The following RCC1 variants were observed in gnomAD, a reference collection of about 807,000 sequenced individuals.
The protein encoded by RCC1 is regulator of chromosome condensation 1, also known as regulator of chromosome condensation.
In RCC1, 11 loss-of-function variants were observed where a neutral mutation model predicts 44.4. The ratio of observed to expected loss-of-function variants is 0.25; its 90% confidence interval spans 0.16 to 0.41. RCC1 has a LOEUF of 0.41. Among genes scored for constraint, RCC1 ranks in the 10% least tolerant of loss-of-function variants. The pLI is 1.00. For missense variants in RCC1, 386 were observed against 547.1 expected (o/e 0.71, Z 2.94); for synonymous variants, 213 against 216.5 (o/e 0.98, Z 0.14).
At chr1:28,535,601 C>A (rs1664497096) in intron 9 of RCC1, 1 of 797,560 alleles carries the variant, frequency 1.3e-6, no homozygotes, top group Admixed American at 2.0e-5. Context: ...TGTAAACCTA[C>A]TTCATTAGGT....
chr1:28,506,201 C>CCT, intron 1 of RCC1, 117 bp downstream of exon 1: 3 of 400,962 alleles, frequency 7.5e-6, no homozygotes, highest in South Asian at 5.4e-5. Context: ...TATTTATTTA[C>CCT]TTTTTTTTTT....
rs1284525766 is a variant in RCC1, at chr1:28,538,361, C to T, written c.*354C>T. 5.7e-6 allele frequency: 1 copy of T among 174,224 alleles called. No homozygotes were observed. The highest frequency in any genetic ancestry group is 1.2e-5 in the Non-Finnish European group (1 of 82,268). The allele number at this position is 174,224 out of a possible 1,614,324, so 10.8% of individuals were successfully genotyped here. On this transcript the variant is annotated 3_prime_UTR_variant, in exon 13 of 13. Coordinates refer to ENST00000683442, the MANE Select transcript of RCC1 (RefSeq NM_001381865.2). ...AACTTCCCCCCTGGGGTTTTGTGCCCACTCTCTGAGAAGTTGGGGCTCCAT... is the reference window on the plus strand; with the variant it reads ...AACTTCCCCCCTGGGGTTTTGTGCCTACTCTCTGAGAAGTTGGGGCTCCAT...
In RCC1 at chr1:28,538,216, T is replaced by G; in HGVS notation, c.*209T>G. The stretch of plus-strand genomic sequence containing the variant: ...GGGACCTACAGAATAAAGGGGGGGA[T>G]GGACAGGGGGTTTTCAAAAGGAACA... On this transcript the variant is annotated 3_prime_UTR_variant, in exon 13 of 13. Coordinates refer to ENST00000683442, the MANE Select transcript of RCC1 (RefSeq NM_001381865.2). 4.6e-6 allele frequency: 2 copies of G among 433,416 alleles called. No individual in the cohort carries two copies. The highest frequency in any genetic ancestry group is 4.2e-5 in the East Asian group (1 of 23,712). 26.8% of individuals were successfully genotyped at this position (433,416 alleles called of 1,614,324 possible). A position where few individuals can be genotyped will look rare whatever the true frequency, so the allele number is the denominator to read the frequency against.
In RCC1 at chr1:28,531,993, A is replaced by G; in HGVS notation, c.261+3A>G. The G allele has an allele frequency of 6.4e-7, 1 of 1,569,470 alleles. No homozygotes were observed. On this transcript the variant is annotated splice_donor_region_variant and intron_variant, in intron 6 of 12. Transcript: ENST00000683442. ...TGTGTCTAAGCAAAAGTGGCCAGGT[A>G]GGTGTTGGGGACTGGCACAGGGTTG...
At chr1:28,514,604 A>C (rs1662774358) in intron 3 of RCC1, among the ~76,000 whole-genome samples, 1 of 151,934 alleles carries the variant, frequency 6.6e-6, no homozygotes, top group African/African-American at 2.4e-5. Flanking sequence ...TCTACTAAAA[A>C]TACAAAATTA....
At chr1:28,511,042 T>C (rs1318199800) in intron 3 of RCC1, 3 of 152,198 alleles carry the variant, frequency 2.0e-5, no homozygotes, top group Non-Finnish European at 2.9e-5. Context: ...TCTGCTAAAC[T>C]TCAGCTTGCA....
At position 28,536,773 on chromosome 1, in the gene RCC1, G is replaced by A; in HGVS notation, c.964G>A (p.Glu322Lys). 2.5e-6 allele frequency: 4 copies of A among 1,614,162 alleles called. No individual in the cohort carries two copies. The highest frequency in any genetic ancestry group is 3.4e-6 in the Non-Finnish European group (4 of 1,180,044). ...AAAAGCATACAGCCTGGGCCGGGCT[G>A]AGTATGGGCGGCTGGGCCTTGGAGA... ...EGKAYSLGRA[E>K]YGRLGLGEGA... Residue 322 changes from glutamate to lysine, a missense_variant, in exon 12 of 13, where the codon GAG (glutamate) becomes AAG (lysine). By Grantham distance (56) the Glu-to-Lys change is moderately conservative. Transcript: ENST00000683442. The surrounding 1 kb of genome is among the most constrained non-coding windows in gnomAD (Gnocchi z 4.9).
chr1:28,529,173 G>A (rs1327937332), intron 4 of RCC1, among the ~76,000 whole-genome samples: 3 of 138,734 alleles, frequency 2.2e-5, no homozygotes, highest in East Asian at 2.1e-4. Context: ...GTGAGCCACC[G>A]CGCCCAGGCT....
intron 4 of RCC1, among the ~76,000 whole-genome samples, chr1:28,527,400 C>T (rs984230665): frequency 3.3e-5 from 5 of 152,216 alleles, no homozygotes; most frequent in Admixed American, 6.5e-5. Context: ...CCACCATGCC[C>T]GGCTAATTTT....
rs544788808 is a variant in RCC1, at chr1:28,507,282, TTTC to T, written c.-261-843_-261-841del. ...GTGGACAGGGTGGAAACTCGTTTGC[TTTC>T]TTGTTTAAGATCTGTAGTAACATGA... On this transcript the variant is annotated intron_variant, in intron 1 of 12. Transcript: ENST00000683442. 1.1e-3 allele frequency: 551 copies of T among 491,482 alleles called. 15 individuals carry two copies. Among genetic ancestry groups the T allele is most frequent in the South Asian group, 7.7e-3 (534 of 69,182 alleles). 30.4% of individuals were successfully genotyped at this position (491,482 alleles called of 1,614,324 possible).
chr1:28,532,338 G>T lies in RCC1; in HGVS notation c.429G>T (p.Trp143Cys). 1 of 1,614,002 alleles carries T rather than the reference G, an allele frequency of 6.2e-7. No individual in the cohort carries two copies. Among genetic ancestry groups the T allele is most frequent in the Non-Finnish European group, 8.5e-7 (1 of 1,179,980 alleles). ...CCGATGATGGCCGTGTCTTCCTCTG[G>T]GGCTCCTTCCGGGTAAGGCTGGGTC... is the stretch of plus-strand genomic sequence containing the variant. ...ALTDDGRVFL[W>C]GSFRDNNGVI... Residue 143 changes from tryptophan to cysteine, a missense_variant, in exon 7 of 13, where the codon TGG becomes TGT. Physicochemically the swap from Trp to Cys is radical, Grantham distance 215 (BLOSUM62 -2). Coordinates refer to ENST00000683442, the MANE Select transcript of RCC1 (RefSeq NM_001381865.2).
intron 1 of RCC1, 109 bp from the exon 2 acceptor site, chr1:28,508,019 A>C (rs1368234043): frequency 5.7e-6 from 2 of 351,918 alleles, no homozygotes; most frequent in Non-Finnish European, 1.2e-5. Flanking sequence ...CTATACTCAA[A>C]CCTATACTCC....
At chr1:28,507,908 A>T (rs1194497304) in intron 1 of RCC1, 6 of 307,470 alleles carry the variant, frequency 2.0e-5, no homozygotes, top group Non-Finnish European at 3.9e-5. Context: ...ACCTGGCTGG[A>T]TTGAAGTCTT....
At chr1:28,520,299 G>A (rs1367817304) in intron 4 of RCC1, among the ~76,000 whole-genome samples, 1 of 152,168 alleles carries the variant, frequency 6.6e-6, no homozygotes, top group East Asian at 1.9e-4. Flanking sequence ...CAGCTGCAGT[G>A]GCCTGGGAGG....
At chr1:28,508,623 G>A (rs372095234) in intron 2 of RCC1, 41 of 518,722 alleles carry the variant, frequency 7.9e-5, no homozygotes, top group African/African-American at 7.3e-4. Flanking sequence ...GGGGAGCTTA[G>A]GGCTCTGCCC....
intron 3 of RCC1, among the ~76,000 whole-genome samples, chr1:28,512,952 G>A (rs1478340654): frequency 1.3e-5 from 2 of 152,008 alleles, no homozygotes; most frequent in African/African-American, 4.8e-5. Context: ...CTGCCACCAT[G>A]CCCTGCTAAT....
chr1:28,529,256 T>C (rs1436954992), intron 4 of RCC1, among the ~76,000 whole-genome samples: 1 of 140,992 alleles, frequency 7.1e-6, no homozygotes, highest in Non-Finnish European at 1.5e-5. Flanking sequence ...CGATCTTGGC[T>C]CACCACAACC....
At position 28,506,635 on chromosome 1, in the gene RCC1, G is replaced by A. The variant is rs1280172305; in HGVS notation, c.-262+551G>A. Reference sequence around the variant, plus strand: ...CGCCCGACCCAGCGAGCCTCTGAAGGTGCACCGCCACCCCCACTGTTTATC... The same window carrying A: ...CGCCCGACCCAGCGAGCCTCTGAAGATGCACCGCCACCCCCACTGTTTATC... On this transcript the variant is annotated intron_variant, in intron 1 of 12. Coordinates refer to ENST00000683442, the MANE Select transcript of RCC1 (RefSeq NM_001381865.2). 5 of 181,594 alleles carry A rather than the reference G, an allele frequency of 2.8e-5. No individual in the cohort carries two copies. In the South Asian group the frequency reaches 4.4e-4, roughly 16 times the overall value. The allele number at this position is 181,594 out of a possible 1,614,324, so 11.2% of individuals were successfully genotyped here.
At chr1:28,513,025 G>A (rs541438129) in intron 3 of RCC1, among the ~76,000 whole-genome samples, 1 of 150,920 alleles carries the variant, frequency 6.6e-6, no homozygotes, top group Non-Finnish European at 1.5e-5. Flanking sequence ...CACCCGCCTC[G>A]GCCTCCCAAA....
Sources: allele counts gnomAD v4.1 joint callset (sites outside exome capture counted in the v4.1 genomes callset), GRCh38; gene constraint gnomAD v4.1.1; non-coding constraint Gnocchi (gnomAD v3.1); transcripts MANE v1.5; gene names NCBI Gene and HGNC (gene_info 2026-07-23, HGNC 2026-07-21).